PLCL2: variants seen among roughly 807,000 people sequenced by gnomAD.
PLCL2 encodes phospholipase C like 2, also known as inactive phospholipase C-like protein 2.
In PLCL2, 4 loss-of-function variants were observed where a neutral mutation model predicts 79.6. That is an observed-to-expected ratio of 0.05 (90% CI 0.02 to 0.11). The LOEUF (loss-of-function observed/expected upper bound fraction) is 0.11. Among genes scored for constraint, PLCL2 ranks in the 10% least tolerant of loss-of-function variants. The pLI, the probability that PLCL2 is intolerant of heterozygous loss-of-function variation, is 1.00. For missense variants in PLCL2, 895 were observed against 1,291.0 expected, an observed-to-expected ratio of 0.69 and a Z score of 4.70; for synonymous variants, 484 against 457.7, an observed-to-expected ratio of 1.06 and a Z score of -0.73.
intron 4 of PLCL2, among the ~76,000 whole-genome samples, chr3:17,063,224 TCCTCCCTC>T (rs1559536555): frequency 8.6e-5 from 3 of 35,058 alleles, no homozygotes; most frequent in East Asian, 8.1e-4. Context: ...TTCTCTTCCT[TCCTCCCTC>T]CCTCCCTCCC....
chr3:16,904,306 C>CAAAAAAAAAAAAAAAAAAAAAAA (rs547582289), intron 1 of PLCL2, among the ~76,000 whole-genome samples: 16 of 116,052 alleles, frequency 1.4e-4, no homozygotes, highest in East Asian at 9.7e-4. Context: ...GAGATCTTGA[C>CAAAAAAAAAAAAAAAAAAAAAAA]AAAAAAAAAA....
At chr3:17,003,359 A>T (rs2064228852) in intron 1 of PLCL2, among the ~76,000 whole-genome samples, 1 of 152,118 alleles carries the variant, frequency 6.6e-6, no homozygotes. Context: ...ACTGGCTTCA[A>T]ATTTCTCCAC....
At chr3:16,913,889 TC>T (rs1696936234) in intron 1 of PLCL2, among the ~76,000 whole-genome samples, 1 of 152,206 alleles carries the variant, frequency 6.6e-6, no homozygotes, top group African/African-American at 2.4e-5. Flanking sequence ...GACCCTTATT[TC>T]AGATTATCGA....
intron 5 of PLCL2, among the ~76,000 whole-genome samples, chr3:17,078,622 T>C (rs2065131583): frequency 6.6e-6 from 1 of 152,160 alleles, no homozygotes; most frequent in Non-Finnish European, 1.5e-5. Context: ...AGAGATTCAT[T>C]CTCTTTAGGA....
At chr3:16,928,297 T>C (rs1697305818) in intron 1 of PLCL2, among the ~76,000 whole-genome samples, 1 of 152,166 alleles carries the variant, frequency 6.6e-6, no homozygotes, top group Admixed American at 6.5e-5. Flanking sequence ...GCTGAGTCCA[T>C]GTTGTACATG....
intron 5 of PLCL2, among the ~76,000 whole-genome samples, chr3:17,084,698 T>C (rs886506369): frequency 6.6e-6 from 1 of 152,138 alleles, no homozygotes; most frequent in African/African-American, 2.4e-5. Context: ...TATCAGTAGA[T>C]GCAAAAAAAG....
chr3:16,945,756 T>C (rs1362782386), intron 1 of PLCL2, among the ~76,000 whole-genome samples: 1 of 152,226 alleles, frequency 6.6e-6, no homozygotes, highest in Admixed American at 6.5e-5. Flanking sequence ...ATAGCCACTC[T>C]GTTTCCATTT....
intron 3 of PLCL2, among the ~76,000 whole-genome samples, chr3:17,036,835 C>T (rs1406570348): frequency 6.6e-6 from 1 of 152,184 alleles, no homozygotes; most frequent in Non-Finnish European, 1.5e-5. Context: ...AATCAAGGCT[C>T]AGTATCTGGT....
chr3:16,971,993 A>G (rs976223921), intron 1 of PLCL2, among the ~76,000 whole-genome samples: 4 of 152,134 alleles, frequency 2.6e-5, no homozygotes, highest in Non-Finnish European at 5.9e-5. Flanking sequence ...TTCATGCTAA[A>G]AACTCTCAAT....
At position 16,959,874 on chromosome 3, in the gene PLCL2, G is replaced by A. The variant is rs545260474; in HGVS notation, c.328-49800G>A. Among the ~76,000 whole-genome samples, 9 of 152,280 alleles carry A rather than the reference G, an allele frequency of 5.9e-5. No individual in the cohort carries two copies. In the East Asian group the frequency reaches 1.7e-3, roughly 29 times the overall value. ...TAATCCCAGCACTTTGGTAGGCCGA[G>A]GCAGGCGGATCACGAGGTCAGGGGA... On this transcript the variant is annotated intron_variant, in intron 1 of 5. Coordinates refer to ENST00000615277, the MANE Select transcript of PLCL2 (RefSeq NM_001144382.2).
chr3:16,978,932 C>T (rs58750701), intron 1 of PLCL2, among the ~76,000 whole-genome samples: 35,528 of 152,128 alleles, frequency 0.23, 4,501 homozygotes, highest in East Asian at 0.53. Context: ...TTGGTGGATA[C>T]GGAGATACTT....
At chr3:16,979,961 G>C (rs1274605770) in intron 1 of PLCL2, among the ~76,000 whole-genome samples, 1 of 145,766 alleles carries the variant, frequency 6.9e-6, no homozygotes, top group African/African-American at 2.5e-5. Flanking sequence ...CTGGCCGGAC[G>C]GGGGGCTGAC....
intron 1 of PLCL2, among the ~76,000 whole-genome samples, chr3:16,894,399 C>G (rs1179699728): frequency 1.3e-5 from 2 of 152,036 alleles, no homozygotes; most frequent in African/African-American, 4.8e-5. Flanking sequence ...AAAGCTTTCC[C>G]TGGTTTATGT....
intron 1 of PLCL2, among the ~76,000 whole-genome samples, chr3:16,914,483 A>G (rs1303837528): frequency 6.6e-6 from 1 of 151,694 alleles, no homozygotes; most frequent in Non-Finnish European, 1.5e-5. Flanking sequence ...AAATTAAAAT[A>G]TAAGTGTTCT....
At chr3:17,021,001 A>G (rs1024908656) in intron 3 of PLCL2, among the ~76,000 whole-genome samples, 1 of 152,126 alleles carries the variant, frequency 6.6e-6, no homozygotes, top group African/African-American at 2.4e-5. Flanking sequence ...TAAGGTTACT[A>G]TTGATCCCCA....
chr3:16,985,535 G>T (rs2064041143), intron 1 of PLCL2, among the ~76,000 whole-genome samples: 1 of 152,108 alleles, frequency 6.6e-6, no homozygotes, highest in Non-Finnish European at 1.5e-5. Flanking sequence ...ATCATTTTTA[G>T]TTTATTTCCT....
chr3:16,933,854 G>A (rs1697471233), intron 1 of PLCL2, among the ~76,000 whole-genome samples: 1 of 152,020 alleles, frequency 6.6e-6, no homozygotes, highest in Non-Finnish European at 1.5e-5. Context: ...GATCACCTGA[G>A]GTCAGGAGTT....
rs1345182120 is a variant in PLCL2 at position 17,009,966 on chromosome 3, G to T, written c.620G>T (p.Gly207Val). 1.2e-6 allele frequency: 2 copies of T among 1,614,062 alleles called. No individual in the cohort carries two copies. Among genetic ancestry groups the T allele is most frequent in the Non-Finnish European group, 8.5e-7 (1 of 1,179,960 alleles). Residue 207 changes from glycine (G) to valine (V), a missense_variant, in exon 2 of 6, where the codon GGC becomes GTC. By Grantham distance (109) the Gly-to-Val change is moderately radical (BLOSUM62 -3). Around this residue, in one of 6 missense-constraint regions of PLCL2, gnomAD observed 129 missense variants for 208.8 expected, o/e 0.62. Transcript: ENST00000615277. The surrounding 1 kb of genome is among the most constrained non-coding windows in gnomAD (Gnocchi z 4.0). Reference sequence around the variant, plus strand: ...AACACAGACATATTCCGCAGCAATGGCATTTCTGACCAGATATCTGAAGAT... The same window carrying T: ...AACACAGACATATTCCGCAGCAATGTCATTTCTGACCAGATATCTGAAGAT... ...GKNTDIFRSN[G>V]ISDQISEDCA...
At chr3:16,922,924 C>T (rs541338431) in intron 1 of PLCL2, among the ~76,000 whole-genome samples, 1 of 151,958 alleles carries the variant, frequency 6.6e-6, no homozygotes, top group Non-Finnish European at 1.5e-5. Context: ...ACCTTGATTT[C>T]CCTATCAATA....
Sources: allele counts gnomAD v4.1 joint callset (sites outside exome capture counted in the v4.1 genomes callset), GRCh38; gene constraint gnomAD v4.1.1; regional missense constraint gnomAD v4.1.1; non-coding constraint Gnocchi (gnomAD v3.1); transcripts MANE v1.5; gene names NCBI Gene and HGNC (gene_info 2026-07-23, HGNC 2026-07-21).